Variants in WWOX observed in about 807,000 individuals in gnomAD.
WWOX encodes WW domain-containing oxidoreductase.
In WWOX, 69 loss-of-function variants were observed where a neutral mutation model predicts 46.2. The observed-to-expected ratio is 1.49, with a 90% CI of 1.23 to 1.82. WWOX has a LOEUF of 1.82. Ranked by LOEUF, WWOX falls within the 40% of genes most tolerant of loss-of-function variation. The probability of loss-of-function intolerance (pLI) is 0.00; values close to 1 mark genes in which losing one functional copy is unlikely to be tolerated. For synonymous variants in WWOX, 359 were observed against 202.6 expected, an observed-to-expected ratio of 1.77 and a Z score of -6.56; for missense variants, 919 against 542.6, an observed-to-expected ratio of 1.69 and a Z score of -6.89.
At chr16:79,137,173 C>T (rs1429780707) in intron 8 of WWOX, among the ~76,000 whole-genome samples, 1 of 152,210 alleles carries the variant, frequency 6.6e-6, no homozygotes, top group Non-Finnish European at 1.5e-5. Flanking sequence ...ACGTCCAGTG[C>T]TTCCCTGCTG....
At chr16:79,199,079 T>C (rs2051296258) in intron 8 of WWOX, among the ~76,000 whole-genome samples, 1 of 152,218 alleles carries the variant, frequency 6.6e-6, no homozygotes, top group African/African-American at 2.4e-5. Flanking sequence ...ATTTTATTTT[T>C]CAAGATGGAG....
chr16:78,419,456 G>A lies in WWOX; in HGVS notation c.606-5414G>A, dbSNP rs985904406. On this transcript the variant is annotated intron_variant, in intron 6 of 8. Transcript: ENST00000566780. Reference sequence around the variant, plus strand: ...GAATAGATCTATAGATAATAAAATAGACTTGAGAGTCCAGAAATGAATCCA... The same window carrying A: ...GAATAGATCTATAGATAATAAAATAAACTTGAGAGTCCAGAAATGAATCCA... 3.3e-5 allele frequency among the ~76,000 whole-genome samples: 5 copies of A among 151,852 alleles called. No homozygotes were observed. The East Asian group carries it at 5.8e-4, about 18-fold the overall frequency.
At chr16:78,853,207 AATT>A (rs2052490108) in intron 8 of WWOX, among the ~76,000 whole-genome samples, 1 of 152,058 alleles carries the variant, frequency 6.6e-6, no homozygotes, top group South Asian at 2.1e-4. Flanking sequence ...TAGCAGGTAT[AATT>A]ATTATTATTT....
chr16:78,419,299 T>A (rs2082869700), intron 6 of WWOX, among the ~76,000 whole-genome samples: 1 of 152,142 alleles, frequency 6.6e-6, no homozygotes, highest in South Asian at 2.1e-4. Context: ...TCCTACATTT[T>A]GTATATGAAT....
rs200125720 is a variant in WWOX, at chr16:78,143,752, G to GTTTTTTTTT, written c.410-20420_410-20412dup. Among the ~76,000 whole-genome samples the GTTTTTTTTT allele has an allele frequency of 2.5e-5, 3 of 120,222 alleles. 1 individual carries two copies. The highest frequency in any genetic ancestry group is 9.3e-5 in the Admixed American group (1 of 10,796). The allele number at this position is 120,222 out of a possible 152,430, so 78.9% of individuals were successfully genotyped here. On this transcript the variant is annotated intron_variant, in intron 4 of 8. Coordinates refer to ENST00000566780, the MANE Select transcript of WWOX (RefSeq NM_016373.4). ...CTCATTCCTCTAAAAGAATTGGTAT[G>GTTTTTTTTT]TTTTTTTTTTTTTTTTTTTGGTGGT...
At chr16:78,761,174 A>G (rs1287509661) in intron 8 of WWOX, among the ~76,000 whole-genome samples, 2 of 152,174 alleles carry the variant, frequency 1.3e-5, no homozygotes, top group Non-Finnish European at 2.9e-5. Context: ...TCTTATAAGA[A>G]CTATTGCATT....
intron 8 of WWOX, among the ~76,000 whole-genome samples, chr16:78,760,545 T>G (rs1474994353): frequency 1.3e-5 from 2 of 152,212 alleles, no homozygotes; most frequent in African/African-American, 4.8e-5. Context: ...TTATTCCCAA[T>G]CACACAGTCA....
At chr16:79,037,739 T>G (rs2047895343) in intron 8 of WWOX, among the ~76,000 whole-genome samples, 2 of 152,138 alleles carry the variant, frequency 1.3e-5, no homozygotes, top group Non-Finnish European at 2.9e-5. Context: ...TGGTTTTGTT[T>G]GCATTTCTGG....
intron 6 of WWOX, among the ~76,000 whole-genome samples, chr16:78,398,214 C>G (rs1338178218): frequency 1.3e-5 from 2 of 152,180 alleles, no homozygotes; most frequent in African/African-American, 4.8e-5. Context: ...ATCTGACCTG[C>G]AAATAGCTAC....
chr16:78,103,068 G>C (rs1345650324), intron 1 of WWOX, among the ~76,000 whole-genome samples: 1 of 152,110 alleles, frequency 6.6e-6, no homozygotes, highest in Admixed American at 6.5e-5. Flanking sequence ...GGGCTCCCTT[G>C]CTCCTGCGTG....
intron 8 of WWOX, among the ~76,000 whole-genome samples, chr16:78,488,419 C>A (rs770106857): frequency 3.9e-5 from 6 of 152,102 alleles, no homozygotes; most frequent in Non-Finnish European, 8.8e-5. Flanking sequence ...AGTGGTACAC[C>A]TGAGCCCTTT....
Position 78,813,264 on chromosome 16 carries a change from A to AT in WWOX, c.1056+380520dup, listed in dbSNP as rs201777111. Among the ~76,000 whole-genome samples the AT allele has an allele frequency of 6.8e-4, 103 of 151,910 alleles. No individual in the cohort carries two copies. In the East Asian group the frequency reaches 0.016, roughly 24 times the overall value. ...TTAGGTCATAAGTATTTTTCATTTA[A>AT]TTTTTTTTCCCCTTAATTTCCTTTT... On this transcript the variant is annotated intron_variant, in intron 8 of 8. Transcript: ENST00000566780.
chr16:79,132,658 A>G (rs2049904358), intron 8 of WWOX, among the ~76,000 whole-genome samples: 1 of 151,856 alleles, frequency 6.6e-6, no homozygotes, highest in African/African-American at 2.4e-5. Flanking sequence ...ATCCCTTAGG[A>G]CCTTGCTAAG....
In WWOX at chr16:78,461,366, AAAAC is replaced by A. The variant is rs373761680; in HGVS notation, c.1056+28634_1056+28637del. Among the ~76,000 whole-genome samples, 1,407 of 152,266 alleles carry A rather than the reference AAAAC, an allele frequency of 9.2e-3. 22 individuals are homozygous for A. The highest frequency in any genetic ancestry group is 0.031 in the African/African-American group (1,279 of 41,514). ...GTAAGGCCAGAAAGGAAAGGGAGAA[AAAAC>A]AAACAAACAAACAAACAAAAAATAG... is the stretch of plus-strand genomic sequence containing the variant. On this transcript the variant is annotated intron_variant, in intron 8 of 8. Coordinates refer to ENST00000566780, the MANE Select transcript of WWOX (RefSeq NM_016373.4).
rs557931972 is a variant in WWOX, at chr16:78,158,771, G to C, written c.410-5412G>C. 7.9e-5 allele frequency among the ~76,000 whole-genome samples: 12 copies of C among 152,178 alleles called. No homozygotes were observed. In the South Asian group the frequency reaches 2.5e-3, roughly 32 times the overall value. ...GTACAAAAAGCCTTACGTATTTGAT[G>C]TATAGAACTTGATAAGTTTGGAGAT... On this transcript the variant is annotated intron_variant, in intron 4 of 8. Coordinates refer to ENST00000566780, the MANE Select transcript of WWOX (RefSeq NM_016373.4).
intron 8 of WWOX, among the ~76,000 whole-genome samples, chr16:78,693,177 C>G (rs1211779261): frequency 2.0e-5 from 3 of 152,194 alleles, no homozygotes; most frequent in Admixed American, 6.5e-5. Context: ...TTGCCCATCT[C>G]TTGTTCAACT....
intron 8 of WWOX, among the ~76,000 whole-genome samples, chr16:78,892,553 A>G (rs1211432123): frequency 6.6e-6 from 1 of 152,218 alleles, no homozygotes; most frequent in Non-Finnish European, 1.5e-5. Context: ...TCTTGTTCAG[A>G]GCGTTCTTCC....
At chr16:78,325,765 A>G (rs909064011) in intron 5 of WWOX, among the ~76,000 whole-genome samples, 4 of 152,238 alleles carry the variant, frequency 2.6e-5, no homozygotes, top group African/African-American at 9.6e-5. Flanking sequence ...CTTGCAGGCA[A>G]GGAAGCAAGT....
chr16:78,182,745 G>T (rs759027341), intron 5 of WWOX, among the ~76,000 whole-genome samples: 10 of 151,968 alleles, frequency 6.6e-5, no homozygotes, highest in Non-Finnish European at 1.5e-4. Flanking sequence ...GAGGTCAGGA[G>T]ATCGAGACCA....
Sources: gnomAD v4.1 joint callset for allele counts (sites outside exome capture counted in the v4.1 genomes callset) on GRCh38, gnomAD v4.1.1 for gene constraint, MANE v1.5 for transcripts, NCBI Gene and HGNC (gene_info 2026-07-23, HGNC 2026-07-21) for gene names.